SLC37A1: variants seen among roughly 807,000 people sequenced by gnomAD.
SLC37A1 encodes the protein glucose-6-phosphate exchanger SLC37A1.
A neutral mutation model predicts 75.3 loss-of-function variants in SLC37A1; 49 were observed. The observed-to-expected ratio is 0.65, with a 90% CI of 0.52 to 0.83. The LOEUF (loss-of-function observed/expected upper bound fraction) is 0.83. SLC37A1 is among the 40% of genes least tolerant of loss of function. The pLI is 0.00. For missense variants in SLC37A1, 566 were observed against 695.0 expected (o/e 0.81, Z 2.09); for synonymous variants, 268 against 292.1 (o/e 0.92, Z 0.84).
At chr21:42,559,182 C>A (rs1157920327) in intron 11 of SLC37A1, 93 bp downstream of exon 11, 2 of 1,480,776 alleles carry the variant, frequency 1.4e-6, no homozygotes, top group Non-Finnish European at 1.8e-6. Flanking sequence ...AAAAAGACAT[C>A]TGTGGTTGTA....
At chr21:42,505,745 T>G (rs533603444) in intron 2 of SLC37A1, among the ~76,000 whole-genome samples, 2 of 152,350 alleles carry the variant, frequency 1.3e-5, no homozygotes, top group South Asian at 2.1e-4. Context: ...TAAAAGAGCT[T>G]TTTAAATTTT....
At chr21:42,579,887 C>A in intron 19 of SLC37A1, 87 bp downstream of exon 19, 2 of 1,306,016 alleles carry the variant, frequency 1.5e-6, no homozygotes, top group East Asian at 2.4e-5. Context: ...CCTGGCTTTC[C>A]TGAAAGAAAG....
chr21:42,570,851 G>A (rs975207178), intron 17 of SLC37A1, among the ~76,000 whole-genome samples: 1 of 152,202 alleles, frequency 6.6e-6, no homozygotes, highest in Non-Finnish European at 1.5e-5. Flanking sequence ...GCAGGTGGAG[G>A]GAGGCACAGT....
In SLC37A1 at chr21:42,548,338, C is replaced by T. The variant is rs1452009968; in HGVS notation, c.768+1198C>T. Among the ~76,000 whole-genome samples, 1 of 152,118 alleles carries T rather than the reference C, an allele frequency of 6.6e-6. No individual in the cohort carries two copies. Among genetic ancestry groups the T allele is most frequent in the Non-Finnish European group, 1.5e-5 (1 of 68,022 alleles). ...GTCTGAGTGTCCTTCAGACTTAACACGACTGGAGGAGATCTCTTGATTTTA... is the reference window on the plus strand; with the variant it reads ...GTCTGAGTGTCCTTCAGACTTAACATGACTGGAGGAGATCTCTTGATTTTA... On this transcript the variant is annotated intron_variant, in intron 9 of 19. Coordinates refer to ENST00000352133, the MANE Select transcript of SLC37A1 (RefSeq NM_001320537.2). The surrounding 1 kb of genome is among the most constrained non-coding windows in gnomAD (Gnocchi z 5.6).
intron 2 of SLC37A1, chr21:42,502,938 A>T (rs1369440124): frequency 6.6e-6 from 1 of 152,238 alleles, no homozygotes; most frequent in Non-Finnish European, 1.5e-5. Flanking sequence ...TGAAGAAAAT[A>T]AAGAAAACCA....
intron 3 of SLC37A1, among the ~76,000 whole-genome samples, chr21:42,530,897 C>G (rs1568997420): frequency 6.6e-6 from 1 of 152,208 alleles, no homozygotes; most frequent in Non-Finnish European, 1.5e-5. Flanking sequence ...CCCAGGGCCA[C>G]TTCTGTCTGC....
At position 42,580,363 on chromosome 21, in the gene SLC37A1, C is replaced by A; in HGVS notation, c.*3C>A. ...CTTTCAGATTTAAGGAACAGTGACACCCCACCCCAGTCCCGTGGAGGGGGT... is the reference window on the plus strand; with the variant it reads ...CTTTCAGATTTAAGGAACAGTGACAACCCACCCCAGTCCCGTGGAGGGGGT... On this transcript the variant is annotated 3_prime_UTR_variant, in exon 20 of 20. Transcript: ENST00000352133. 6.2e-7 allele frequency: 1 copy of A among 1,613,266 alleles called. No homozygotes were observed. The highest frequency in any genetic ancestry group is 8.5e-7 in the Non-Finnish European group (1 of 1,179,788).
intron 5 of SLC37A1, among the ~76,000 whole-genome samples, chr21:42,537,387 G>A (rs1160693001): frequency 6.6e-6 from 1 of 152,192 alleles, no homozygotes; most frequent in Non-Finnish European, 1.5e-5. Flanking sequence ...TCCCCACACT[G>A]CAGTCTTACT....
chr21:42,540,563 G>A (rs2055253947), intron 6 of SLC37A1, among the ~76,000 whole-genome samples: 1 of 152,174 alleles, frequency 6.6e-6, no homozygotes, highest in African/African-American at 2.4e-5. Context: ...AAGGGGAGAA[G>A]GCCTGAGGAC....
At chr21:42,553,513 AT>A (rs1422104736) in intron 9 of SLC37A1, among the ~76,000 whole-genome samples, 4 of 152,204 alleles carry the variant, frequency 2.6e-5, no homozygotes, top group African/African-American at 9.6e-5. Flanking sequence ...AACTGCCTTC[AT>A]TTCTTCACTT....
chr21:42,539,626 C>G lies in SLC37A1; in HGVS notation c.465C>G (p.Phe155Leu), dbSNP rs374667153. ...GGTATTTCTACAACATCCACAGTTT[C>G]GGATTCTACGTGGTAACTCAGGTAA... ...GLGYFYNIHS[F>L]GFYVVTQVIN... is the part of the protein sequence containing the mutation. The change falls in exon 6 of 20, where the codon TTC becomes TTG. Residue 155 changes from phenylalanine to leucine, a missense_variant. Transcript: ENST00000352133. 1 of 1,613,598 alleles carries G rather than the reference C, an allele frequency of 6.2e-7. No individual in the cohort carries two copies. Among genetic ancestry groups the G allele is most frequent in the Admixed American group, 1.7e-5 (1 of 59,934 alleles).
chr21:42,514,207 G>A lies in SLC37A1; in HGVS notation c.-689G>A, dbSNP rs115292723. The A allele has an allele frequency of 2.6e-5, 4 of 152,180 alleles. No individual in the cohort carries two copies. The East Asian group carries it at 7.8e-4, about 30-fold the overall frequency. The allele number at this position is 152,180 out of a possible 1,614,324, so 9.4% of individuals were successfully genotyped here. ...TTTGAAATACGACATCTAGAAGAGT[G>A]GCCCTCGGCGACAATGCCGGGCGTT... On this transcript the variant is annotated 5_prime_UTR_variant, in exon 1 of 20. Coordinates refer to ENST00000352133, the MANE Select transcript of SLC37A1 (RefSeq NM_001320537.2). The surrounding 1 kb of genome is among the most constrained non-coding windows in gnomAD (Gnocchi z 4.8).
intron 10 of SLC37A1, among the ~76,000 whole-genome samples, chr21:42,555,231 A>C (rs986156042): frequency 6.6e-5 from 10 of 151,590 alleles, no homozygotes; most frequent in African/African-American, 2.4e-4. Context: ...CAGGTGACCC[A>C]CCCGCCTTAG....
chr21:42,530,639 CA>C (rs2054931618), intron 3 of SLC37A1, among the ~76,000 whole-genome samples: 30 of 32,564 alleles, frequency 9.2e-4, no homozygotes, highest in South Asian at 2.4e-3. Context: ...CACACACACA[CA>C]CACACACACA....
In SLC37A1 at chr21:42,570,127, C is replaced by CCATGT. The variant is rs1213414402; in HGVS notation, c.1423+1690_1423+1694dup. Among the ~76,000 whole-genome samples the CCATGT allele has an allele frequency of 6.3e-3, 270 of 43,088 alleles. 12 individuals carry two copies. Among genetic ancestry groups the CCATGT allele is most frequent in the East Asian group, 0.017 (59 of 3,508 alleles). The allele number at this position is 43,088 out of a possible 152,430, so 28.3% of individuals were successfully genotyped here. On this transcript the variant is annotated intron_variant, in intron 17 of 19. Coordinates refer to ENST00000352133, the MANE Select transcript of SLC37A1 (RefSeq NM_001320537.2). ...GAAGTGGTGGGCAGGGTGGCTGTTG[C>CCATGT]CATGTGACACACGGCCTGGTTCTGA...
chr21:42,500,221 G>A (rs2054329052), intron 1 of SLC37A1, among the ~76,000 whole-genome samples: 1 of 151,990 alleles, frequency 6.6e-6, no homozygotes, highest in Non-Finnish European at 1.5e-5. Context: ...ATTGTACTCT[G>A]GTAAATTTAC....
chr21:42,570,235 CATGT>C lies in SLC37A1; in HGVS notation c.1423+1798_1423+1801del, dbSNP rs2147035121. Among the ~76,000 whole-genome samples, 3 of 130,506 alleles carry C rather than the reference CATGT, an allele frequency of 2.3e-5. 1 individual carries two copies. Among genetic ancestry groups the C allele is most frequent in the South Asian group, 5.3e-4 (2 of 3,768 alleles). The allele number at this position is 130,506 out of a possible 152,430, so 85.6% of individuals were successfully genotyped here. On this transcript the variant is annotated intron_variant, in intron 17 of 19. Coordinates refer to ENST00000352133, the MANE Select transcript of SLC37A1 (RefSeq NM_001320537.2). ...GCAGGCAGGGTGGCCGTTGCCATGT[CATGT>C]GACACACGGCCTGGTTCTGAGAAGC...
chr21:42,576,982 T>C (rs1296895944), intron 18 of SLC37A1, among the ~76,000 whole-genome samples: 2 of 152,166 alleles, frequency 1.3e-5, no homozygotes, highest in Non-Finnish European at 2.9e-5. Flanking sequence ...AAGCAATATT[T>C]TAAGACAAAA....
intron 10 of SLC37A1, among the ~76,000 whole-genome samples, chr21:42,556,873 T>C (rs2055704400): frequency 6.6e-6 from 1 of 152,130 alleles, no homozygotes; most frequent in Non-Finnish European, 1.5e-5. Flanking sequence ...CTACAAGTCC[T>C]GTTTAAGATG....
Sources: gnomAD v4.1 joint callset for allele counts (sites outside exome capture counted in the v4.1 genomes callset) on GRCh38, gnomAD v4.1.1 for gene constraint, Gnocchi (gnomAD v3.1) non-coding constraint, MANE v1.5 for transcripts, NCBI Gene and HGNC (gene_info 2026-07-23, HGNC 2026-07-21) for gene names.